The following WDR7 variants were observed in gnomAD, a reference collection of about 807,000 sequenced individuals.
The protein encoded by WDR7 is WD repeat domain 7.
In WDR7, 46 loss-of-function variants were observed where a neutral mutation model predicts 169.4. The observed-to-expected ratio is 0.27, with a 90% CI of 0.21 to 0.35. The LOEUF (loss-of-function observed/expected upper bound fraction) is 0.35, where lower values mean the gene tolerates loss of function less well. Ranked by LOEUF, WDR7 falls within the 10% of genes least tolerant of loss-of-function variation. The pLI, the probability that WDR7 is intolerant of heterozygous loss-of-function variation, is 1.00. For synonymous variants in WDR7, 612 were observed against 666.8 expected, an observed-to-expected ratio of 0.92 and a Z score of 1.27; for missense variants, 1,534 against 1,859.3, an observed-to-expected ratio of 0.83 and a Z score of 3.22.
chr18:57,004,104 C>T (rs972508538), intron 26 of WDR7, among the ~76,000 whole-genome samples: 4 of 151,998 alleles, frequency 2.6e-5, no homozygotes, highest in African/African-American at 9.7e-5. Flanking sequence ...ACCTGGCCTA[C>T]ACAGTAATCC....
At chr18:56,746,044 T>C (rs1421261) in intron 14 of WDR7, among the ~76,000 whole-genome samples, 87,081 of 152,006 alleles carry the variant, frequency 0.57, 26,737 homozygotes, top group East Asian at 0.79. Context: ...TGTAAGATGA[T>C]TTATATGACA....
chr18:56,897,389 A>G (rs968053815), intron 21 of WDR7, among the ~76,000 whole-genome samples: 1 of 94,354 alleles, frequency 1.1e-5, no homozygotes, highest in African/African-American at 3.5e-5. Flanking sequence ...GTATTGGACA[A>G]ATATACTGAG....
chr18:56,751,220 A>T (rs1029090318), intron 14 of WDR7, among the ~76,000 whole-genome samples: 1 of 152,174 alleles, frequency 6.6e-6, no homozygotes, highest in Admixed American at 6.5e-5. Context: ...GTCCATGCAC[A>T]TGGGCTGTCT....
intron 7 of WDR7, 33 bp from the exon 8 acceptor site, chr18:56,691,183 G>A: frequency 1.3e-6 from 2 of 1,594,486 alleles, no homozygotes; most frequent in Non-Finnish European, 8.5e-7. Context: ...ACAACAATAT[G>A]GAGTAGATTG....
chr18:56,693,561 GTTTTTTTTTTTGTTTTTT>G (rs1276491021), intron 9 of WDR7, among the ~76,000 whole-genome samples: 2 of 98,756 alleles, frequency 2.0e-5, no homozygotes, highest in Non-Finnish European at 2.0e-5. Flanking sequence ...AATTTTGTTG[GTTTTTTTTTTTGTTTTTT>G]TTTTTTTTTT....
At chr18:56,697,225 A>C (rs149390861) in intron 12 of WDR7, among the ~76,000 whole-genome samples, 2 of 152,340 alleles carry the variant, frequency 1.3e-5, no homozygotes, top group African/African-American at 4.8e-5. Flanking sequence ...ATTCACCGTC[A>C]CCAGCTCTGG....
chr18:56,677,021 T>C (rs1234570585), intron 2 of WDR7, among the ~76,000 whole-genome samples: 5 of 152,232 alleles, frequency 3.3e-5, no homozygotes, highest in Non-Finnish European at 5.9e-5. Flanking sequence ...TTAAGAGTAG[T>C]TTACACAACA....
chr18:56,843,178 A>G (rs551804585), intron 20 of WDR7, among the ~76,000 whole-genome samples: 7 of 152,322 alleles, frequency 4.6e-5, no homozygotes, highest in African/African-American at 1.2e-4. Context: ...CTGTCTAGCT[A>G]TTGAAAATTG....
chr18:56,744,100 G>A (rs1412149391), intron 14 of WDR7, among the ~76,000 whole-genome samples: 1 of 151,654 alleles, frequency 6.6e-6, no homozygotes, highest in Non-Finnish European at 1.5e-5. Context: ...TTAGCTGGGC[G>A]TAGTGGCGGG....
At chr18:56,692,448 T>G (rs1037031369) in intron 9 of WDR7, among the ~76,000 whole-genome samples, 4 of 151,230 alleles carry the variant, frequency 2.6e-5, no homozygotes, top group African/African-American at 7.3e-5. Flanking sequence ...TTGTTTTTTT[T>G]TTTTTTAATT....
At chr18:56,677,130 C>A (rs1427329253) in intron 2 of WDR7, among the ~76,000 whole-genome samples, 2 of 152,108 alleles carry the variant, frequency 1.3e-5, no homozygotes, top group African/African-American at 4.8e-5. Flanking sequence ...TCTTTCTGAT[C>A]GAAGTACTCC....
chr18:56,784,150 G>T (rs11663540), intron 19 of WDR7, among the ~76,000 whole-genome samples: 111,847 of 152,094 alleles, frequency 0.74, 43,090 homozygotes, highest in Non-Finnish European at 0.84. Flanking sequence ...TTTCAGAGGA[G>T]TAAATGGGAG....
intron 27 of WDR7, among the ~76,000 whole-genome samples, chr18:57,025,350 A>T (rs915974984): frequency 6.6e-6 from 1 of 152,156 alleles, no homozygotes; most frequent in Admixed American, 6.5e-5. Flanking sequence ...TGTCATTTGG[A>T]TCTATCAAAT....
intron 1 of WDR7, among the ~76,000 whole-genome samples, chr18:56,654,547 C>A (rs533046074): frequency 6.6e-6 from 1 of 152,098 alleles, no homozygotes; most frequent in Non-Finnish European, 1.5e-5. Context: ...TGTTGATTTG[C>A]GGACATTTCT....
intron 26 of WDR7, among the ~76,000 whole-genome samples, chr18:56,985,962 T>C (rs139724075): frequency 2.0e-3 from 312 of 152,274 alleles, no homozygotes; most frequent in African/African-American, 7.2e-3. Flanking sequence ...TAAATTTGTG[T>C]TGGACATTTT....
At chr18:56,704,894 CTT>C (rs2025913744) in intron 12 of WDR7, among the ~76,000 whole-genome samples, 1 of 152,178 alleles carries the variant, frequency 6.6e-6, no homozygotes, top group African/African-American at 2.4e-5. Flanking sequence ...ATTAAATTGA[CTT>C]TTTATTTTGG....
At chr18:56,868,665 G>A (rs890658204) in intron 20 of WDR7, among the ~76,000 whole-genome samples, 4 of 152,126 alleles carry the variant, frequency 2.6e-5, no homozygotes, top group African/African-American at 9.7e-5. Context: ...ATCTGAGAAT[G>A]ATATGCTGTG....
intron 20 of WDR7, among the ~76,000 whole-genome samples, chr18:56,859,306 C>A (rs778474199): frequency 3.9e-5 from 6 of 152,110 alleles, no homozygotes; most frequent in Non-Finnish European, 7.4e-5. Flanking sequence ...CCTTAGTATA[C>A]CTAATTTTTA....
At position 56,718,141 on chromosome 18, in the gene WDR7, G is replaced by T; in HGVS notation, c.1756G>T (p.Val586Phe). 12 of 1,612,212 alleles carry T rather than the reference G, an allele frequency of 7.4e-6. No homozygotes were observed. The highest frequency in any genetic ancestry group is 1.0e-5 in the Non-Finnish European group (12 of 1,179,154). Residue 586 changes from valine to phenylalanine, a missense_variant, in exon 13 of 28, where the codon GTC becomes TTC. Coordinates refer to ENST00000254442, the MANE Select transcript of WDR7 (RefSeq NM_015285.3). The part of the protein sequence containing the change: ...VVGCSDGSVY[V>F]WQMDTGALDR... The stretch of plus-strand genomic sequence containing the variant: ...GGGGTGTTCAGATGGTTCTGTGTAC[G>T]TCTGGCAAATGGATACTGGTAAGAA...
Sources: allele counts gnomAD v4.1 joint callset (sites outside exome capture counted in the v4.1 genomes callset), GRCh38; gene constraint gnomAD v4.1.1; transcripts MANE v1.5; gene names NCBI Gene and HGNC (gene_info 2026-07-23, HGNC 2026-07-21).